SNX19: variants seen among roughly 807,000 people sequenced by gnomAD.
The protein encoded by SNX19 is sorting nexin-19.
In SNX19, 60 loss-of-function variants were observed where a neutral mutation model predicts 85.2. The ratio of observed to expected loss-of-function variants is 0.70; its 90% CI spans 0.57 to 0.87. The LOEUF is 0.87. SNX19 is among the 40% of genes least tolerant of loss of function. The pLI, the probability that SNX19 is intolerant of heterozygous loss-of-function variation, is 0.00. For missense variants in SNX19, 1,201 were observed against 1,217.8 expected (o/e 0.99, Z 0.21); for synonymous variants, 520 against 470.0 (o/e 1.11, Z -1.38).
At chr11:130,888,670 C>G (rs764619158) in intron 8 of SNX19, among the ~76,000 whole-genome samples, 1 of 152,150 alleles carries the variant, frequency 6.6e-6, no homozygotes, top group Non-Finnish European at 1.5e-5. Context: ...GGTCAAGAAC[C>G]TTTAACCATT....
rs557061106 is a variant in SNX19 at position 130,876,063 on chromosome 11, A to C, written c.*2359T>G. On this transcript the variant is annotated 3_prime_UTR_variant, in exon 11 of 11. Transcript: ENST00000265909. Reference sequence around the variant, plus strand: ...CATCCCTGCCTCGTCTTTTTTATAGATAGTAAGAAAAGGGAAAGTAGTCTT... The same window carrying C: ...CATCCCTGCCTCGTCTTTTTTATAGCTAGTAAGAAAAGGGAAAGTAGTCTT... The C allele has an allele frequency of 6.6e-6, 1 of 152,214 alleles. No individual in the cohort carries two copies. Among genetic ancestry groups the C allele is most frequent in the Admixed American group, 6.5e-5 (1 of 15,278 alleles). The allele number at this position is 152,214 out of a possible 1,614,324, so 9.4% of individuals were successfully genotyped here.
At chr11:130,885,779 C>T (rs1944015765) in intron 8 of SNX19, among the ~76,000 whole-genome samples, 1 of 141,634 alleles carries the variant, frequency 7.1e-6, no homozygotes, top group South Asian at 2.4e-4. Context: ...CCTTAAGATA[C>T]CAAATACAGT....
chr11:130,879,558 T>C (rs918345900), intron 10 of SNX19, 66 bp downstream of exon 10: 15 of 1,388,762 alleles, frequency 1.1e-5, no homozygotes, highest in Middle Eastern at 1.8e-4. Context: ...TCAGAAACCT[T>C]GGATACCTCT....
intron 7 of SNX19, chr11:130,905,614 A>G: frequency 7.1e-7 from 1 of 1,399,850 alleles, no homozygotes; most frequent in Non-Finnish European, 9.4e-7. Flanking sequence ...GGAAACTGAG[A>G]CACTAAGGGA....
In SNX19 at chr11:130,895,183, T is replaced by C. The variant is rs571966104; in HGVS notation, c.2573+8072A>G. 41 of 985,432 alleles carry C rather than the reference T, an allele frequency of 4.2e-5. No homozygotes were observed. In the Admixed American group the frequency reaches 1.2e-3, roughly 30 times the overall value. The allele number at this position is 985,432 out of a possible 1,614,324, so 61.0% of individuals were successfully genotyped here. On this transcript the variant is annotated intron_variant, in intron 8 of 10. Transcript: ENST00000265909. The stretch of plus-strand genomic sequence containing the variant: ...TTTGGAAAGGAGAGAGCCATTAGAA[T>C]GGGAGATGGCCTGAAGGGCCCCCAA...
intron 1 of SNX19, among the ~76,000 whole-genome samples, chr11:130,912,697 T>C (rs1592377734): frequency 6.6e-6 from 1 of 152,234 alleles, no homozygotes; most frequent in Non-Finnish European, 1.5e-5. Context: ...TGAGCTGATG[T>C]GAGCAAAGCA....
intron 4 of SNX19, 21 bp downstream of exon 4, chr11:130,909,997 G>A (rs1378528527): frequency 6.2e-7 from 1 of 1,612,146 alleles, no homozygotes; most frequent in Middle Eastern, 2.1e-4. Flanking sequence ...CTAAAGCTGA[G>A]CACAGTGGCC....
At position 130,867,591 on chromosome 11, in the gene SNX19, C is replaced by T. The variant is rs960644910; in HGVS notation, c.*10831G>A. ...AAGCCTAGAGAAAGTGAAGTATATTCCTTTCAAGAAGAGAATCCCCGGGTT... is the reference window on the plus strand; with the variant it reads ...AAGCCTAGAGAAAGTGAAGTATATTTCTTTCAAGAAGAGAATCCCCGGGTT... On this transcript the variant is annotated 3_prime_UTR_variant, in exon 11 of 11. Coordinates refer to ENST00000265909, the MANE Select transcript of SNX19 (RefSeq NM_014758.3). 7 of 152,178 alleles carry T rather than the reference C, an allele frequency of 4.6e-5. No individual in the cohort carries two copies. The highest frequency in any genetic ancestry group is 1.7e-4 in the African/African-American group (7 of 41,434). 9.4% of individuals were successfully genotyped at this position (152,178 alleles called of 1,614,324 possible). A position where few individuals can be genotyped will look rare whatever the true frequency, so the allele number is the denominator to read the frequency against.
At chr11:130,888,990 C>T (rs1211337071) in intron 8 of SNX19, among the ~76,000 whole-genome samples, 1 of 152,178 alleles carries the variant, frequency 6.6e-6, no homozygotes, top group African/African-American at 2.4e-5. Flanking sequence ...TCATTCACTG[C>T]TGAATGAATG....
intron 8 of SNX19, among the ~76,000 whole-genome samples, chr11:130,884,871 CAA>C (rs34426333): frequency 0.02 from 1,271 of 64,922 alleles, 8 homozygotes; most frequent in African/African-American, 0.065. Flanking sequence ...GACTCCATCT[CAA>C]AAAAAAAAAA....
intron 8 of SNX19, among the ~76,000 whole-genome samples, chr11:130,898,978 T>C (rs779134794): frequency 2.6e-5 from 4 of 152,214 alleles, no homozygotes; most frequent in Non-Finnish European, 4.4e-5. Context: ...AAACCTGGGT[T>C]CAAATTCTGC....
At chr11:130,897,721 T>C (rs905169766) in intron 8 of SNX19, among the ~76,000 whole-genome samples, 2 of 152,154 alleles carry the variant, frequency 1.3e-5, no homozygotes, top group African/African-American at 4.8e-5. Flanking sequence ...CCTCTTTCCC[T>C]CCAACCCAGT....
intron 4 of SNX19, among the ~76,000 whole-genome samples, chr11:130,909,205 T>G (rs565868977): frequency 6.6e-6 from 1 of 152,298 alleles, no homozygotes; most frequent in African/African-American, 2.4e-5. Flanking sequence ...GATGTGGAAA[T>G]AATGGATGAA....
chr11:130,892,093 C>T (rs1422275180), intron 8 of SNX19, among the ~76,000 whole-genome samples: 2 of 151,266 alleles, frequency 1.3e-5, no homozygotes, highest in African/African-American at 4.9e-5. Flanking sequence ...ATCCACCCAC[C>T]TTGGCCTCCC....
In SNX19 at chr11:130,907,983, T is replaced by A; in HGVS notation, c.2135A>T (p.Lys712Met). ...AGCCTTCTTGCCTTCTGTCTGGGGC[T>A]TGCTTTCGGTCTCGGCCTCACTCAG... ...EELSEAETES[K>M]PQTEGKKASK... is the part of the protein sequence containing the mutation. The change falls in exon 5 of 11, where the codon AAG becomes ATG. Residue 712 changes from lysine (K) to methionine (M), a missense_variant. Coordinates refer to ENST00000265909, the MANE Select transcript of SNX19 (RefSeq NM_014758.3). The A allele has an allele frequency of 1.2e-6, 2 of 1,614,158 alleles. No individual in the cohort carries two copies. Among genetic ancestry groups the A allele is most frequent in the Non-Finnish European group, 1.7e-6 (2 of 1,180,022 alleles).
intron 8 of SNX19, chr11:130,892,939 A>T (rs1944596226): frequency 6.6e-6 from 1 of 152,152 alleles, no homozygotes; most frequent in South Asian, 2.1e-4. Context: ...TAAAATGGCC[A>T]CCCATTCAGA....
intron 7 of SNX19, among the ~76,000 whole-genome samples, chr11:130,903,638 G>C (rs948889062): frequency 6.7e-6 from 1 of 149,582 alleles, no homozygotes. Flanking sequence ...GTTTTTAAAA[G>C]ATATATATCT....
chr11:130,902,015 G>GC (rs1479964887), intron 8 of SNX19, among the ~76,000 whole-genome samples: 2 of 152,178 alleles, frequency 1.3e-5, no homozygotes, highest in African/African-American at 4.8e-5. Flanking sequence ...AGACCAGTCA[G>GC]CATTTTATAT....
chr11:130,896,863 A>G (rs559618406), intron 8 of SNX19, among the ~76,000 whole-genome samples: 1 of 152,210 alleles, frequency 6.6e-6, no homozygotes, highest in East Asian at 1.9e-4. Flanking sequence ...GAAATAACCA[A>G]TGTCACAAAG....
Sources: allele counts gnomAD v4.1 joint callset (sites outside exome capture counted in the v4.1 genomes callset), GRCh38; gene constraint gnomAD v4.1.1; transcripts MANE v1.5; gene names NCBI Gene and HGNC (gene_info 2026-07-23, HGNC 2026-07-21).